Variants in TRAF3IP3 observed in about 807,000 individuals in gnomAD.
TRAF3IP3 encodes the protein TRAF3 interacting protein 3, also known as TRAF3-interacting JNK-activating modulator.
A neutral mutation model predicts 86.5 loss-of-function variants in TRAF3IP3; 64 were observed. The observed-to-expected ratio is 0.74, with a 90% confidence interval of 0.60 to 0.91. The LOEUF is 0.91. Ranked by LOEUF, TRAF3IP3 falls within the 40% of genes least tolerant of loss-of-function variation. TRAF3IP3 has a pLI of 0.00. For synonymous variants in TRAF3IP3, 220 were observed against 243.9 expected (o/e 0.90, Z 0.91); for missense variants, 579 against 642.9 (o/e 0.90, Z 1.07).
At chr1:209,777,554 C>A (rs984223839) in intron 12 of TRAF3IP3, 67 bp downstream of exon 12, 1 of 1,484,484 alleles carries the variant, frequency 6.7e-7, no homozygotes, top group Non-Finnish European at 9.1e-7. Context: ...AAAAAAGAAA[C>A]TGAATTAAGA....
At chr1:209,780,116 G>A (rs1246168331) in intron 14 of TRAF3IP3, 1 of 163,234 alleles carries the variant, frequency 6.1e-6, no homozygotes, top group Non-Finnish European at 1.3e-5. Context: ...AGGGAAAAGG[G>A]ATTGTATTAA....
chr1:209,763,469 G>C (rs2077284652), intron 7 of TRAF3IP3, 23 bp from the exon 8 acceptor site: 1 of 1,613,448 alleles, frequency 6.2e-7, no homozygotes, highest in African/African-American at 1.3e-5. Context: ...TTACCCTCTT[G>C]CACTTTGTGC....
chr1:209,762,552 A>G lies in TRAF3IP3; in HGVS notation c.383A>G (p.His128Arg), dbSNP rs1049812668. 1 of 1,482,974 alleles carries G rather than the reference A, an allele frequency of 6.7e-7. No individual in the cohort carries two copies. The highest frequency in any genetic ancestry group is 1.5e-5 in the African/African-American group (1 of 68,808). The allele number at this position is 1,482,974 out of a possible 1,614,324, so 91.9% of individuals were successfully genotyped here. A position where few individuals can be genotyped will look rare whatever the true frequency, so the allele number is the denominator to read the frequency against. The change falls in exon 4 of 17, where the codon CAT (histidine) becomes CGT (arginine). Residue 128 changes from histidine to arginine, a missense_variant. Coordinates refer to ENST00000367025, the MANE Select transcript of TRAF3IP3 (RefSeq NM_025228.4). ...GTSSEVFPAQ[H>R]PPPSGICRDL... ...AGCTCTGAAGTCTTTCCAGCCCAGC[A>G]TCCTCCTCCCTCAGGCATCTGCAGG...
chr1:209,762,459 G>A lies in TRAF3IP3; in HGVS notation c.346-56G>A, dbSNP rs1037072651. 6.2e-5 allele frequency: 88 copies of A among 1,412,262 alleles called. 1 individual carries two copies. Among genetic ancestry groups the A allele is most frequent in the Non-Finnish European group, 8.0e-5 (86 of 1,076,928 alleles). 87.5% of individuals were successfully genotyped at this position (1,412,262 alleles called of 1,614,324 possible). On this transcript the variant is annotated intron_variant, in intron 3 of 16. Transcript: ENST00000367025. ...GTTCTTCCTTCCGAAATCATCAGGA[G>A]AGTCTTTCAAGAGGCTCCAGGCAGT...
chr1:209,777,664 AT>A, intron 12 of TRAF3IP3, 177 bp downstream of exon 12: 1 of 658,696 alleles, frequency 1.5e-6, no homozygotes, highest in Non-Finnish European at 2.5e-6. Flanking sequence ...ATCATCCAAA[AT>A]TGAAAATTAA....
intron 12 of TRAF3IP3, 116 bp from the exon 13 acceptor site, chr1:209,777,995 A>G (rs1306432689): frequency 2.2e-6 from 2 of 916,036 alleles, no homozygotes; most frequent in Non-Finnish European, 3.4e-6. Context: ...GCAACTTCCA[A>G]TAGACACACG....
At position 209,775,799 on chromosome 1, in the gene TRAF3IP3, A is replaced by C. The variant is rs758635952; in HGVS notation, c.1053+63A>C. The C allele has an allele frequency of 5.8e-5, 87 of 1,512,636 alleles. No homozygotes were observed. The Middle Eastern group carries it at 7.2e-4, about 12-fold the overall frequency. 93.7% of individuals were successfully genotyped at this position (1,512,636 alleles called of 1,614,324 possible). On this transcript the variant is annotated intron_variant, in intron 11 of 16. Transcript: ENST00000367025. Reference sequence around the variant, plus strand: ...TGGGGAGGAGGGATGGTGATGAAAGAAGCTGTTCTGGATTAGGGACTCCAA... The same window carrying C: ...TGGGGAGGAGGGATGGTGATGAAAGCAGCTGTTCTGGATTAGGGACTCCAA...
chr1:209,768,675 C>T (rs1035383796), intron 8 of TRAF3IP3: 22 of 985,480 alleles, frequency 2.2e-5, no homozygotes, highest in Non-Finnish European at 2.5e-5. Flanking sequence ...GTATGGCCTC[C>T]GCCTTGCTCC....
chr1:209,775,564 C>G (rs774550982), intron 10 of TRAF3IP3, 35 bp from the exon 11 acceptor site: 3 of 1,614,180 alleles, frequency 1.9e-6, no homozygotes, highest in Non-Finnish European at 2.5e-6. Flanking sequence ...AGCTGCACAA[C>G]TCCCTGGAGC....
At chr1:209,762,291 A>G (rs1365008738) in intron 3 of TRAF3IP3, among the ~76,000 whole-genome samples, 3 of 152,172 alleles carry the variant, frequency 2.0e-5, no homozygotes, top group South Asian at 2.1e-4. Context: ...CACTAATCCC[A>G]TTCATGAGGG....
At chr1:209,769,165 C>T (rs7523300) in intron 8 of TRAF3IP3, among the ~76,000 whole-genome samples, 79,025 of 152,030 alleles carry the variant, frequency 0.52, 21,625 homozygotes, top group African/African-American at 0.69. Context: ...TCCCAAAATA[C>T]AGCAAGATAA....
At chr1:209,767,186 C>A (rs2077372831) in intron 8 of TRAF3IP3, among the ~76,000 whole-genome samples, 1 of 152,110 alleles carries the variant, frequency 6.6e-6, no homozygotes, top group Admixed American at 6.5e-5. Flanking sequence ...TAAAGGAAAC[C>A]CATATATGTA....
chr1:209,765,545 T>C (rs1321056289), intron 8 of TRAF3IP3, among the ~76,000 whole-genome samples: 1 of 152,052 alleles, frequency 6.6e-6, no homozygotes, highest in Non-Finnish European at 1.5e-5. Flanking sequence ...CATGCACCTG[T>C]AGTCTTAGGA....
intron 15 of TRAF3IP3, chr1:209,781,057 T>C (rs2077767693): frequency 4.3e-6 from 1 of 232,248 alleles, no homozygotes; most frequent in Admixed American, 5.5e-5. Flanking sequence ...AAGAACTTCA[T>C]TTTTCGGTGT....
At chr1:209,775,044 C>T (rs886679069) in intron 9 of TRAF3IP3, among the ~76,000 whole-genome samples, 1 of 152,078 alleles carries the variant, frequency 6.6e-6, no homozygotes, top group East Asian at 1.9e-4. Context: ...GAGATAGGAA[C>T]CCCAAGAAAA....
chr1:209,774,689 G>A (rs1383576931), intron 9 of TRAF3IP3, among the ~76,000 whole-genome samples: 4 of 152,222 alleles, frequency 2.6e-5, no homozygotes, highest in Admixed American at 2.6e-4. Flanking sequence ...GTTTGGATGT[G>A]ATTCTTAGTA....
intron 1 of TRAF3IP3, among the ~76,000 whole-genome samples, chr1:209,757,583 G>A (rs934432169): frequency 2.6e-5 from 4 of 151,998 alleles, no homozygotes; most frequent in Non-Finnish European, 5.9e-5. Context: ...TTCAGCCTGG[G>A]GCCAGCATCC....
chr1:209,775,145 G>A (rs528377415), intron 9 of TRAF3IP3: 1 of 584,630 alleles, frequency 1.7e-6, no homozygotes, highest in South Asian at 2.1e-5. Context: ...AGGAAGCCTA[G>A]GGCACTGTTT....
intron 2 of TRAF3IP3, 113 bp downstream of exon 2, chr1:209,759,247 T>C (rs1156815856): frequency 1.3e-5 from 2 of 152,242 alleles, no homozygotes; most frequent in African/African-American, 2.4e-5. Context: ...TCAATATTGA[T>C]TGGACTTGAT....
Sources: gnomAD v4.1 joint callset for allele counts (sites outside exome capture counted in the v4.1 genomes callset) on GRCh38, gnomAD v4.1.1 for gene constraint, MANE v1.5 for transcripts, NCBI Gene and HGNC (gene_info 2026-07-23, HGNC 2026-07-21) for gene names.